XYLT1: variants seen among roughly 807,000 people sequenced by gnomAD.
The protein encoded by XYLT1 is beta-D-xylosyltransferase 1.
XYLT1 carries 36 observed loss-of-function variants against 91.3 expected under a neutral mutation model. That is an observed-to-expected ratio of 0.39 (90% confidence interval 0.30 to 0.52). The LOEUF (loss-of-function observed/expected upper bound fraction) is 0.52, where lower values mean the gene tolerates loss of function less well. Among genes scored for constraint, XYLT1 ranks in the 20% least tolerant of loss-of-function variants. XYLT1 has a pLI of 0.68. For missense variants in XYLT1, 1,242 were observed against 1,284.5 expected (o/e 0.97, Z 0.51); for synonymous variants, 588 against 532.0 (o/e 1.11, Z -1.45).
At chr16:17,252,779 C>T (rs1240054431) in intron 3 of XYLT1, among the ~76,000 whole-genome samples, 3 of 152,152 alleles carry the variant, frequency 2.0e-5, no homozygotes, top group Non-Finnish European at 4.4e-5. Context: ...CCAAAGTCAA[C>T]ATTTAAAATC....
intron 11 of XYLT1, among the ~76,000 whole-genome samples, chr16:17,112,470 C>T (rs928521895): frequency 6.6e-6 from 1 of 151,996 alleles, no homozygotes; most frequent in Non-Finnish European, 1.5e-5. Context: ...CTGGAAAAAT[C>T]AGGACCCCAT....
rs1239270250 is a variant in XYLT1, at chr16:17,107,348, G to A, written c.*1347C>T. The stretch of plus-strand genomic sequence containing the variant: ...GGGAATCCCATCATTCAGGGGAGGT[G>A]GGATTACAGGAGCAAGGGAGGCCTC... On this transcript the variant is annotated 3_prime_UTR_variant, in exon 12 of 12. Coordinates refer to ENST00000261381, the MANE Select transcript of XYLT1 (RefSeq NM_022166.4). The A allele has an allele frequency of 6.6e-6, 1 of 152,162 alleles. No homozygotes were observed. The highest frequency in any genetic ancestry group is 1.5e-5 in the Non-Finnish European group (1 of 68,024). 9.4% of individuals were successfully genotyped at this position (152,162 alleles called of 1,614,324 possible). A position where few individuals can be genotyped will look rare whatever the true frequency, so the allele number is the denominator to read the frequency against.
intron 1 of XYLT1, among the ~76,000 whole-genome samples, chr16:17,379,388 C>A (rs747547489): frequency 1.6e-4 from 24 of 152,220 alleles, no homozygotes; most frequent in Non-Finnish European, 1.8e-4. Context: ...ATCAGGGAGG[C>A]CGACTAAGAG....
chr16:17,463,790 T>C lies in XYLT1; in HGVS notation c.363+6644A>G, dbSNP rs564004475. 3.3e-5 allele frequency among the ~76,000 whole-genome samples: 5 copies of C among 152,382 alleles called. No individual in the cohort carries two copies. In the East Asian group the frequency reaches 7.7e-4, roughly 24 times the overall value. Reference sequence around the variant, plus strand: ...AATCCAAGAGCTATCTGCACTCCCATGCTTACTGCAACATTCTTCACAATA... The same window carrying C: ...AATCCAAGAGCTATCTGCACTCCCACGCTTACTGCAACATTCTTCACAATA... On this transcript the variant is annotated intron_variant, in intron 1 of 11. Coordinates refer to ENST00000261381, the MANE Select transcript of XYLT1 (RefSeq NM_022166.4).
intron 1 of XYLT1, among the ~76,000 whole-genome samples, chr16:17,407,149 C>T (rs1041908437): frequency 1.3e-5 from 2 of 152,016 alleles, no homozygotes; most frequent in African/African-American, 2.4e-5. Context: ...TTATAGACCC[C>T]TGCCACCACC....
At chr16:17,242,821 A>G (rs1179685352) in intron 3 of XYLT1, among the ~76,000 whole-genome samples, 1 of 152,152 alleles carries the variant, frequency 6.6e-6, no homozygotes, top group African/African-American at 2.4e-5. Flanking sequence ...TGTCTCTAGG[A>G]ATTTAATTAC....
intron 3 of XYLT1, among the ~76,000 whole-genome samples, chr16:17,206,097 G>A (rs752503766): frequency 3.3e-5 from 5 of 152,100 alleles, no homozygotes; most frequent in Non-Finnish European, 5.9e-5. Flanking sequence ...GAAAGACACC[G>A]CCCCTCTCTG....
intron 3 of XYLT1, among the ~76,000 whole-genome samples, chr16:17,217,608 G>A (rs2032884096): frequency 6.6e-6 from 1 of 152,184 alleles, no homozygotes; most frequent in Non-Finnish European, 1.5e-5. Context: ...TCACAGAGCA[G>A]CTACGCTGCC....
chr16:17,134,333 G>T, intron 9 of XYLT1, 140 bp downstream of exon 9: 1 of 1,210,586 alleles, frequency 8.3e-7, no homozygotes, highest in Non-Finnish European at 1.1e-6. Context: ...CGTTAGATGA[G>T]TTTTGGGCAA....
intron 2 of XYLT1, among the ~76,000 whole-genome samples, chr16:17,324,235 G>A (rs1221801212): frequency 6.6e-6 from 1 of 152,152 alleles, no homozygotes; most frequent in African/African-American, 2.4e-5. Flanking sequence ...AGAGAAAAGG[G>A]AGAAAATGGT....
intron 1 of XYLT1, among the ~76,000 whole-genome samples, chr16:17,456,827 C>T (rs776223135): frequency 2.2e-4 from 33 of 152,184 alleles, no homozygotes; most frequent in Non-Finnish European, 4.4e-5. Flanking sequence ...ATTTCCTCAT[C>T]TGTAGATGGG....
intron 3 of XYLT1, among the ~76,000 whole-genome samples, chr16:17,223,199 GCA>G (rs1217935332): frequency 6.6e-6 from 1 of 152,204 alleles, no homozygotes; most frequent in East Asian, 1.9e-4. Context: ...CCTGTCAGAT[GCA>G]CAGTCGCACT....
At chr16:17,290,992 T>C (rs2034215559) in intron 2 of XYLT1, among the ~76,000 whole-genome samples, 1 of 152,196 alleles carries the variant, frequency 6.6e-6, no homozygotes, top group Non-Finnish European at 1.5e-5. Context: ...TGGAGTGCAA[T>C]GGCGCAATCA....
intron 2 of XYLT1, among the ~76,000 whole-genome samples, chr16:17,279,294 T>C (rs73519246): frequency 0.017 from 2,516 of 152,314 alleles, 79 homozygotes; most frequent in African/African-American, 0.057. Context: ...AAATGAGAAT[T>C]AAGTCAATGT....
chr16:17,381,213 G>C (rs1392455709), intron 1 of XYLT1, among the ~76,000 whole-genome samples: 1 of 152,110 alleles, frequency 6.6e-6, no homozygotes, highest in Non-Finnish European at 1.5e-5. Flanking sequence ...AGAGAAATAA[G>C]AAAATCCTGG....
At chr16:17,186,799 T>C in intron 5 of XYLT1, among the ~76,000 whole-genome samples, 1 of 152,202 alleles carries the variant, frequency 6.6e-6, no homozygotes, top group East Asian at 1.9e-4. Flanking sequence ...TGGCTCAGCC[T>C]GTCTTCTCCT....
At chr16:17,316,124 C>T (rs1216944015) in intron 2 of XYLT1, among the ~76,000 whole-genome samples, 1 of 152,196 alleles carries the variant, frequency 6.6e-6, no homozygotes, top group Non-Finnish European at 1.5e-5. Context: ...CCGAAGCGCA[C>T]AGCTTTTATC....
intron 1 of XYLT1, among the ~76,000 whole-genome samples, chr16:17,365,145 T>C (rs2035435526): frequency 6.6e-6 from 1 of 152,182 alleles, no homozygotes; most frequent in South Asian, 2.1e-4. Flanking sequence ...AAGTGTTCCC[T>C]TCTCCCCACT....
At chr16:17,380,619 A>C (rs2035668235) in intron 1 of XYLT1, among the ~76,000 whole-genome samples, 2 of 152,254 alleles carry the variant, frequency 1.3e-5, no homozygotes, top group African/African-American at 4.8e-5. Flanking sequence ...CTAGATGTCA[A>C]ATGCTATATA....
Sources: allele counts gnomAD v4.1 joint callset (sites outside exome capture counted in the v4.1 genomes callset), GRCh38; gene constraint gnomAD v4.1.1; transcripts MANE v1.5; gene names NCBI Gene and HGNC (gene_info 2026-07-23, HGNC 2026-07-21).